The following ZDHHC14 variants were observed in gnomAD, a reference collection of about 807,000 sequenced individuals.
ZDHHC14 encodes palmitoyltransferase ZDHHC14.
In ZDHHC14, 16 loss-of-function variants were observed where a neutral mutation model predicts 47.7. That is an observed-to-expected ratio of 0.34 (90% CI 0.23 to 0.51). The LOEUF is 0.51. ZDHHC14 is among the 20% of genes least tolerant of loss of function. The pLI, the probability that ZDHHC14 is intolerant of heterozygous loss-of-function variation, is 0.97. For synonymous variants in ZDHHC14, 293 were observed against 278.9 expected (o/e 1.05, Z -0.50); for missense variants, 515 against 662.5 (o/e 0.78, Z 2.44).
intron 1 of ZDHHC14, among the ~76,000 whole-genome samples, chr6:157,540,191 C>A (rs1781694292): frequency 6.6e-6 from 1 of 152,186 alleles, no homozygotes; most frequent in South Asian, 2.1e-4. Flanking sequence ...AGTGTATTAT[C>A]CCTGCAGTGA....
At chr6:157,452,690 ATTTTTTTTTTT>A (rs747862336) in intron 1 of ZDHHC14, among the ~76,000 whole-genome samples, 7 of 72,958 alleles carry the variant, frequency 9.6e-5, no homozygotes, top group Admixed American at 1.9e-4. Context: ...ATACATGGGG[ATTTTTTTTTTT>A]TTTTTTTTTT....
intron 2 of ZDHHC14, among the ~76,000 whole-genome samples, 190 bp downstream of exon 2, chr6:157,542,935 G>T (rs900072369): frequency 6.6e-6 from 1 of 152,200 alleles, no homozygotes. Flanking sequence ...AGGCTGGAGG[G>T]ACAGGTATCC....
rs552597924 is a variant in ZDHHC14 at position 157,638,766 on chromosome 6, G to T, written c.752+5884G>T. 4.6e-5 allele frequency among the ~76,000 whole-genome samples: 7 copies of T among 152,346 alleles called. No individual in the cohort carries two copies. In the South Asian group the frequency reaches 1.5e-3, roughly 32 times the overall value. On this transcript the variant is annotated intron_variant, in intron 5 of 8. Coordinates refer to ENST00000359775, the MANE Select transcript of ZDHHC14 (RefSeq NM_024630.3). ...ACTAGGACTCCTTATGCAGAATAAG[G>T]GTTGGGTGCCATGAAAAAGACACAG...
intron 1 of ZDHHC14, among the ~76,000 whole-genome samples, chr6:157,449,897 C>T (rs1456147812): frequency 6.6e-6 from 1 of 152,054 alleles, no homozygotes; most frequent in African/African-American, 2.4e-5. Flanking sequence ...TTGCAGCTTT[C>T]CCCCTTTCTA....
At chr6:157,504,411 G>A (rs1780267608) in intron 1 of ZDHHC14, among the ~76,000 whole-genome samples, 1 of 148,880 alleles carries the variant, frequency 6.7e-6, no homozygotes, top group Non-Finnish European at 1.5e-5. Context: ...GCTTCCCAAA[G>A]TGCTGGGATT....
At chr6:157,395,914 CCTTT>C (rs2114740412) in intron 1 of ZDHHC14, among the ~76,000 whole-genome samples, 1 of 152,186 alleles carries the variant, frequency 6.6e-6, no homozygotes, top group South Asian at 2.1e-4. Context: ...GTACTTGAGG[CCTTT>C]CTATTTTTCT....
At chr6:157,442,859 A>G (rs1024498143) in intron 1 of ZDHHC14, among the ~76,000 whole-genome samples, 2 of 152,196 alleles carry the variant, frequency 1.3e-5, no homozygotes, top group African/African-American at 4.8e-5. Context: ...CAACAATTCT[A>G]AGACCTTTTT....
chr6:157,519,744 G>GT (rs1483400596), intron 1 of ZDHHC14, among the ~76,000 whole-genome samples: 3 of 152,080 alleles, frequency 2.0e-5, no homozygotes, highest in Non-Finnish European at 2.9e-5. Flanking sequence ...AGGATTCATC[G>GT]TTTTTTTGTT....
In ZDHHC14 at chr6:157,488,789, G is replaced by A. The variant is rs559915007; in HGVS notation, c.246-53796G>A. ...ACGTGTCTTTAAGAAGAGCATACAC[G>A]TTTGCATGAATGGGCTTATCTGCCA... On this transcript the variant is annotated intron_variant, in intron 1 of 8. Transcript: ENST00000359775. Among the ~76,000 whole-genome samples the A allele has an allele frequency of 4.6e-5, 7 of 152,314 alleles. No homozygotes were observed. In the South Asian group the frequency reaches 6.2e-4, roughly 14 times the overall value.
At chr6:157,625,765 A>G (rs1228014822) in intron 3 of ZDHHC14, among the ~76,000 whole-genome samples, 1 of 152,050 alleles carries the variant, frequency 6.6e-6, no homozygotes, top group East Asian at 1.9e-4. Flanking sequence ...TCAGTAGGAT[A>G]ATTTCTCGGT....
chr6:157,604,366 A>G (rs1784449127), intron 3 of ZDHHC14, among the ~76,000 whole-genome samples: 1 of 151,422 alleles, frequency 6.6e-6, no homozygotes, highest in Admixed American at 6.6e-5. Flanking sequence ...TGCAAACACT[A>G]CTCCATTTCT....
At chr6:157,644,353 C>T (rs1041501131) in intron 5 of ZDHHC14, among the ~76,000 whole-genome samples, 2 of 152,250 alleles carry the variant, frequency 1.3e-5, no homozygotes, top group African/African-American at 2.4e-5. Context: ...CATGTGCACA[C>T]AGAGCCCCCA....
Position 157,502,779 on chromosome 6 carries a change from C to T in ZDHHC14, c.246-39806C>T, listed in dbSNP as rs1412924101. ...GATCTTGGCTCACTGCAACCTCCGC[C>T]TCCCAGGTTCAAGCGATTCTCCTGG... On this transcript the variant is annotated intron_variant, in intron 1 of 8. Transcript: ENST00000359775. This position sits in a 1 kb window ranked among gnomAD's most constrained non-coding sequence, Gnocchi z 4.0. Among the ~76,000 whole-genome samples the T allele has an allele frequency of 6.6e-6, 1 of 152,194 alleles. No individual in the cohort carries two copies.
At chr6:157,626,724 C>T (rs910508157) in intron 3 of ZDHHC14, among the ~76,000 whole-genome samples, 6 of 152,156 alleles carry the variant, frequency 3.9e-5, no homozygotes, top group African/African-American at 7.2e-5. Flanking sequence ...AGGTGTGGTA[C>T]ATTCTGTGGC....
rs143882302 is a variant in ZDHHC14, at chr6:157,519,617, A to C, written c.246-22968A>C. 6.5e-4 allele frequency among the ~76,000 whole-genome samples: 99 copies of C among 152,346 alleles called. 1 individual carries two copies. In the East Asian group the frequency reaches 0.017, roughly 26 times the overall value. On this transcript the variant is annotated intron_variant, in intron 1 of 8. Transcript: ENST00000359775. ...TCCACTGAAGGTTCAGAATGTCAAC[A>C]TTCTGGATCACCAGCAGGCAGAGCC...
At chr6:157,405,948 C>A in intron 1 of ZDHHC14, among the ~76,000 whole-genome samples, 1 of 152,152 alleles carries the variant, frequency 6.6e-6, no homozygotes, top group East Asian at 1.9e-4. Context: ...TATTCCCCAT[C>A]CCCCACCCCT....
At position 157,525,959 on chromosome 6, in the gene ZDHHC14, T is replaced by C. The variant is rs967748917; in HGVS notation, c.246-16626T>C. ...GGGATAAACTGATCACTCTTCTGCC[T>C]GAATTATTCTCTGAGCTTTGAAGCC... On this transcript the variant is annotated intron_variant, in intron 1 of 8. Coordinates refer to ENST00000359775, the MANE Select transcript of ZDHHC14 (RefSeq NM_024630.3). 7.9e-5 allele frequency among the ~76,000 whole-genome samples: 12 copies of C among 152,338 alleles called. No individual in the cohort carries two copies. The East Asian group carries it at 2.3e-3, about 29-fold the overall frequency.
chr6:157,386,442 A>G (rs1777313243), intron 1 of ZDHHC14, among the ~76,000 whole-genome samples: 1 of 152,206 alleles, frequency 6.6e-6, no homozygotes, highest in African/African-American at 2.4e-5. Flanking sequence ...TTACCCATTC[A>G]GAATGGGAGT....
At chr6:157,645,885 G>C in intron 6 of ZDHHC14, 46 bp downstream of exon 6, 1 of 1,532,384 alleles carries the variant, frequency 6.5e-7, no homozygotes, top group Non-Finnish European at 9.0e-7. Flanking sequence ...TTGGGTTTTG[G>C]GCAATGGAGG....
Sources: gnomAD v4.1 joint callset for allele counts (sites outside exome capture counted in the v4.1 genomes callset) on GRCh38, gnomAD v4.1.1 for gene constraint, Gnocchi (gnomAD v3.1) non-coding constraint, MANE v1.5 for transcripts, NCBI Gene and HGNC (gene_info 2026-07-23, HGNC 2026-07-21) for gene names.